Variants in NUCB2 observed in about 807,000 individuals in gnomAD.
NUCB2 encodes nucleobindin 2, also known as nucleobindin-2.
In NUCB2, 48 loss-of-function variants were observed where a neutral mutation model predicts 57.9. The ratio of observed to expected loss-of-function variants is 0.83; its 90% CI spans 0.66 to 1.05. NUCB2 has a LOEUF of 1.05. Ranked by LOEUF, NUCB2 falls within the 50% of genes least tolerant of loss-of-function variation. The pLI, the probability that NUCB2 is intolerant of heterozygous loss-of-function variation, is 0.00. For missense variants in NUCB2, 442 were observed against 476.2 expected (o/e 0.93, Z 0.67); for synonymous variants, 139 against 152.1 (o/e 0.91, Z 0.64).
intron 2 of NUCB2, among the ~76,000 whole-genome samples, chr11:17,293,366 A>G (rs567122437): frequency 2.0e-5 from 3 of 152,204 alleles, no homozygotes; most frequent in East Asian, 3.9e-4. Flanking sequence ...TAGTCTTGGC[A>G]GGAGAGGAAG....
intron 5 of NUCB2, among the ~76,000 whole-genome samples, chr11:17,306,603 A>G (rs1302000692): frequency 6.6e-6 from 1 of 152,148 alleles, no homozygotes; most frequent in Non-Finnish European, 1.5e-5. Flanking sequence ...CAAGATGGGT[A>G]CTGAATTTCA....
chr11:17,327,350 T>G (rs1204904301), intron 11 of NUCB2, among the ~76,000 whole-genome samples: 1 of 152,218 alleles, frequency 6.6e-6, no homozygotes, highest in Non-Finnish European at 1.5e-5. Flanking sequence ...TGTGAGCCAC[T>G]ACGCCTCGCC....
chr11:17,336,869 TTATAA>T (rs1158162304), downstream of NUCB2, among the ~76,000 whole-genome samples: 2 of 151,940 alleles, frequency 1.3e-5, no homozygotes, highest in Admixed American at 6.6e-5. Context: ...CAGATTTGTA[TTATAA>T]TAAGATTAAA....
Position 17,330,824 on chromosome 11 carries a change from T to C in NUCB2, c.1174-78T>C. 1.2e-6 allele frequency: 1 copy of C among 863,540 alleles called. No homozygotes were observed. Among genetic ancestry groups the C allele is most frequent in the Non-Finnish European group, 1.9e-6 (1 of 516,184 alleles). 53.5% of individuals were successfully genotyped at this position (863,540 alleles called of 1,614,324 possible). On this transcript the variant is annotated intron_variant, in intron 12 of 13. Coordinates refer to ENST00000529010, the MANE Select transcript of NUCB2 (RefSeq NM_005013.4). This position sits in a 1 kb window ranked among gnomAD's most constrained non-coding sequence, Gnocchi z 4.3. Reference sequence around the variant, plus strand: ...GTTTTAGAAAACAATTTTCATTTACTTTGTTGTGCTTTGTCAAAGGTCACA... The same window carrying C: ...GTTTTAGAAAACAATTTTCATTTACCTTGTTGTGCTTTGTCAAAGGTCACA...
intron 5 of NUCB2, among the ~76,000 whole-genome samples, chr11:17,305,230 A>G (rs980487548): frequency 1.3e-5 from 2 of 152,222 alleles, no homozygotes; most frequent in Non-Finnish European, 2.9e-5. Flanking sequence ...AGGCTGAGGC[A>G]GGAGAATCAC....
intron 2 of NUCB2, among the ~76,000 whole-genome samples, chr11:17,288,292 A>T (rs1944134115): frequency 6.6e-6 from 1 of 152,052 alleles, no homozygotes; most frequent in African/African-American, 2.4e-5. Flanking sequence ...AATTGGCAGC[A>T]TTTTTTTCTA....
In NUCB2 at chr11:17,301,814, G is replaced by A. The variant is rs199705391; in HGVS notation, c.323G>A (p.Arg108Lys). ...AGGACAAAACTTGATGAACTGAAAA[G>A]GCAAGAAGTAGGAAGGTTAAGAATG... ...HVRTKLDELK[R>K]QEVGRLRMLI... Residue 108 changes from arginine to lysine, a missense_variant, in exon 5 of 14, where the codon AGG becomes AAG. Transcript: ENST00000529010. 331 of 1,613,078 alleles carry A rather than the reference G, an allele frequency of 2.1e-4. 1 individual carries two copies. Among genetic ancestry groups the A allele is most frequent in the Middle Eastern group, 1.6e-4 (1 of 6,082 alleles).
Position 17,310,261 on chromosome 11 carries a change from A to G in NUCB2, c.484-564A>G, listed in dbSNP as rs76741403. On this transcript the variant is annotated intron_variant, in intron 6 of 13. Coordinates refer to ENST00000529010, the MANE Select transcript of NUCB2 (RefSeq NM_005013.4). The stretch of plus-strand genomic sequence containing the variant: ...CTTTTTTTTTTTTAAATCAACTTAC[A>G]TATTACTTGCTTATGAGGAGTTTCC... Among the ~76,000 whole-genome samples the G allele has an allele frequency of 9.1e-3, 1,386 of 151,570 alleles. 61 individuals are homozygous for G. The highest frequency in any genetic ancestry group is 0.065 in the East Asian group (336 of 5,156).
At chr11:17,336,109 A>AT (rs917354773), downstream of NUCB2, among the ~76,000 whole-genome samples, 5 of 151,532 alleles carry the variant, frequency 3.3e-5, no homozygotes, top group African/African-American at 1.2e-4. Context: ...CACCCAGCTA[A>AT]TTTTTTTATT....
chr11:17,336,029 G>A (rs560998062), downstream of NUCB2, among the ~76,000 whole-genome samples: 36 of 152,208 alleles, frequency 2.4e-4, 1 homozygote, highest in East Asian at 1.5e-3. Context: ...CTTATCCACG[G>A]TGCTTGGGAC....
chr11:17,338,838 G>A (rs572343032), intron 2 of NUCB2, among the ~76,000 whole-genome samples: 60 of 151,514 alleles, frequency 4.0e-4, no homozygotes, highest in African/African-American at 1.3e-3. Context: ...TAATTTTTGT[G>A]TTTTTAGTAG....
Position 17,289,536 on chromosome 11 carries a change from C to T in NUCB2, c.1-5788C>T, listed in dbSNP as rs1944573818. Among the ~76,000 whole-genome samples, 6 of 152,182 alleles carry T rather than the reference C, an allele frequency of 3.9e-5. No individual in the cohort carries two copies. In the South Asian group the frequency reaches 1.2e-3, roughly 32 times the overall value. ...ATGTATCAAGAACTAAACTAATAAA[C>T]ACACTTGTCAGGTTATGTAGTGCTC... On this transcript the variant is annotated intron_variant, in intron 2 of 13. Coordinates refer to ENST00000529010, the MANE Select transcript of NUCB2 (RefSeq NM_005013.4).
chr11:17,296,198 T>C lies in NUCB2; in HGVS notation c.239T>C (p.Ile80Thr). 2.5e-6 allele frequency: 4 copies of C among 1,599,984 alleles called. No homozygotes were observed. Among genetic ancestry groups the C allele is most frequent in the Non-Finnish European group, 3.4e-6 (4 of 1,169,472 alleles). ...AGAGAAAAGCTCCAGAAAGCAGACA[T>C]AGAGGAAATAAAGGTAAATGCAATT... ...HFREKLQKAD[I>T]EEIKSGRLSK... Residue 80 changes from isoleucine (I) to threonine (T), a missense_variant, in exon 4 of 14, where the codon ATA becomes ACA. Ile to Thr is a moderately conservative substitution (Grantham distance 89). Transcript: ENST00000529010.
rs10466420 is a variant in NUCB2 at position 17,313,657 on chromosome 11, C to G, written c.912+1537C>G. On this transcript the variant is annotated intron_variant, in intron 10 of 13. Coordinates refer to ENST00000529010, the MANE Select transcript of NUCB2 (RefSeq NM_005013.4). ...TCTTCCTCTTCCTGTTAATTCTTCA[C>G]TTTTCCTTTTCGCCTTAATCTGTGC... 4.6e-3 allele frequency among the ~76,000 whole-genome samples: 708 copies of G among 152,276 alleles called. 9 individuals carry two copies. Among genetic ancestry groups the G allele is most frequent in the African/African-American group, 0.016 (677 of 41,550 alleles).
At chr11:17,334,184 A>C (rs1256477766), downstream of NUCB2, 1 of 152,238 alleles carries the variant, frequency 6.6e-6, no homozygotes, top group Non-Finnish European at 1.5e-5. Context: ...AATCTTCTTT[A>C]GCTATTAAAC....
intron 2 of NUCB2, among the ~76,000 whole-genome samples, chr11:17,288,549 C>CTTTTTTTTTTTTTTTTTTTTTT (rs752336919): frequency 1.3e-5 from 1 of 75,864 alleles, no homozygotes; most frequent in Non-Finnish European, 2.5e-5. Flanking sequence ...TCTTCTTCTT[C>CTTTTTTTTTTTTTTTTTTTTTT]TTCTTTTTTT....
At chr11:17,286,935 T>C (rs1943842037) in intron 2 of NUCB2, among the ~76,000 whole-genome samples, 1 of 152,162 alleles carries the variant, frequency 6.6e-6, no homozygotes, top group Non-Finnish European at 1.5e-5. Flanking sequence ...TTTTTTTAAA[T>C]ACAGTTGATG....
intron 11 of NUCB2, chr11:17,317,490 C>A: frequency 2.9e-6 from 1 of 341,738 alleles, no homozygotes. Flanking sequence ...AATCTCTAGA[C>A]TTAGTGAGAT....
intron 11 of NUCB2, among the ~76,000 whole-genome samples, chr11:17,321,116 T>C (rs1205884658): frequency 6.6e-6 from 1 of 152,148 alleles, no homozygotes; most frequent in African/African-American, 2.4e-5. Context: ...AATTATACTC[T>C]TTTAGTTATT....
Sources: gnomAD v4.1 joint callset for allele counts (sites outside exome capture counted in the v4.1 genomes callset) on GRCh38, gnomAD v4.1.1 for gene constraint, Gnocchi (gnomAD v3.1) non-coding constraint, MANE v1.5 for transcripts, NCBI Gene and HGNC (gene_info 2026-07-23, HGNC 2026-07-21) for gene names.